IL9R: variants seen among roughly 807,000 people sequenced by gnomAD.
IL9R encodes the protein interleukin 9 receptor.
In IL9R, 54 loss-of-function variants were observed where a neutral mutation model predicts 56.3. The observed-to-expected ratio is 0.96, with a 90% CI of 0.77 to 1.20. The LOEUF (loss-of-function observed/expected upper bound fraction) is 1.20. Among genes scored for constraint, IL9R ranks in the 50% most tolerant of loss-of-function variants. The pLI, the probability that IL9R is intolerant of heterozygous loss-of-function variation, is 0.00. For missense variants in IL9R, 545 were observed against 629.8 expected, an observed-to-expected ratio of 0.87 and a Z score of 1.44; for synonymous variants, 212 against 250.2, an observed-to-expected ratio of 0.85 and a Z score of 1.44.
At chrX:156,002,852 C>T (rs762593782) in intron 1 of IL9R, 54 bp from the exon 2 acceptor site, 2 of 1,611,816 alleles carry the variant, frequency 1.2e-6, no homozygotes, top group African/African-American at 1.3e-5. Flanking sequence ...TCATGGGGAG[C>T]ACCCCTCCAG....
chrX:155,998,196 C>CA (rs2067266992), intron 1 of IL9R, among the ~76,000 whole-genome samples: 1 of 151,896 alleles, frequency 6.6e-6, no homozygotes, highest in Non-Finnish European at 1.5e-5. Flanking sequence ...GGTCTAGGCC[C>CA]AGGGCTGGGA....
At chrX:156,001,373 C>T (rs1434142964) in intron 1 of IL9R, 2 of 1,383,672 alleles carry the variant, frequency 1.4e-6, no homozygotes, top group East Asian at 2.3e-5. Flanking sequence ...ATCCCAAGAG[C>T]AGGCTGACTG....
Position 155,997,714 on chromosome X carries a change from G to A in IL9R, c.-46G>A. 1 of 1,600,062 alleles carries A rather than the reference G, an allele frequency of 6.2e-7. No homozygotes were observed. Among genetic ancestry groups the A allele is most frequent in the South Asian group, 1.1e-5 (1 of 90,814 alleles). On this transcript the variant is annotated 5_prime_UTR_variant, in exon 1 of 9. Transcript: ENST00000244174. ...GGTCTTTGCTGTGCACCCAGAGATA[G>A]TTGGGTGACAAATCACCTCCAGGTT...
chrX:156,003,986 C>A, intron 4 of IL9R, 131 bp downstream of exon 4: 2 of 986,174 alleles, frequency 2.0e-6, no homozygotes, highest in Non-Finnish European at 3.0e-6. Flanking sequence ...GAGTGAGATC[C>A]AGGGCTGGGG....
rs2067241490 is a variant in IL9R, at chrX:155,997,764, G to A, written c.5G>A (p.Gly2Glu). Residue 2 changes from glycine (G) to glutamate (E), a missense_variant, in exon 1 of 9, where the codon GGA becomes GAA. By Grantham distance (98) the Gly-to-Glu change is moderately conservative. Coordinates refer to ENST00000244174, the MANE Select transcript of IL9R (RefSeq NM_002186.3). M[G>E]LGRCIWEGWT... ...TGGGGATGCCTCAGACTTGTGATGG[G>A]ACTGGGCAGATGCATCTGGGAAGGT... The A allele has an allele frequency of 4.3e-6, 7 of 1,613,648 alleles. No homozygotes were observed. The highest frequency in any genetic ancestry group is 2.2e-5 in the East Asian group (1 of 44,880).
chrX:156,003,056 G>T (rs1296770769), intron 2 of IL9R, 37 bp downstream of exon 2: 4 of 1,612,736 alleles, frequency 2.5e-6, no homozygotes, highest in Non-Finnish European at 3.4e-6. Context: ...TGAGGTGGGT[G>T]GAGAACTAGG....
chrX:156,003,625 C>T, intron 3 of IL9R, 52 bp from the exon 4 acceptor site: 2 of 1,611,074 alleles, frequency 1.2e-6, no homozygotes, highest in Non-Finnish European at 1.7e-6. Context: ...ATTGAAGCAG[C>T]TATGCCAGGA....
chrX:156,003,865 A>G lies in IL9R; in HGVS notation c.433+10A>G, dbSNP rs1220429802. On this transcript the variant is annotated intron_variant, in intron 4 of 8. Transcript: ENST00000244174. ...CTGCCCCGGAGACACGGTGAGCAGC[A>G]GCTATAGGTCTGGGGCGGGGCCGCT... is the stretch of plus-strand genomic sequence containing the variant. The G allele has an allele frequency of 1.2e-6, 2 of 1,613,742 alleles. No homozygotes were observed. Among genetic ancestry groups the G allele is most frequent in the Admixed American group, 1.7e-5 (1 of 60,002 alleles).
rs779976784 is a variant in IL9R, at chrX:156,004,459, G to A, written c.473G>A (p.Ser158Asn). 4.3e-5 allele frequency: 70 copies of A among 1,613,770 alleles called. No individual in the cohort carries two copies. Among genetic ancestry groups the A allele is most frequent in the Non-Finnish European group, 5.8e-5 (69 of 1,179,834 alleles). Residue 158 changes from serine to asparagine, a missense_variant, in exon 5 of 9, where the codon AGT becomes AAT. Coordinates refer to ENST00000244174, the MANE Select transcript of IL9R (RefSeq NM_002186.3). Reference protein sequence around the residue: ...DPPSDLQSNISSGHCILTWSI... With the variant: ...DPPSDLQSNINSGHCILTWSI... ...CCCTCTGACTTGCAGAGCAACATCA[G>A]TTCTGGCCACTGCATCCTGACCTGG...
chrX:156,006,007 A>T (rs1206130429), intron 6 of IL9R, 76 bp from the exon 7 acceptor site: 16 of 713,876 alleles, frequency 2.2e-5, no homozygotes, highest in Non-Finnish European at 3.9e-5. Flanking sequence ...TAAAGGGCGC[A>T]CCTTTGCCAG....
chrX:156,001,354 C>A (rs1230684293), intron 1 of IL9R: 5 of 1,185,666 alleles, frequency 4.2e-6, no homozygotes, highest in Non-Finnish European at 6.3e-6. Context: ...TCCAACCCTG[C>A]CCTCACATAT....
chrX:156,002,832 G>T (rs2067624692), intron 1 of IL9R, 74 bp from the exon 2 acceptor site: 1 of 1,609,128 alleles, frequency 6.2e-7, no homozygotes, highest in Admixed American at 1.7e-5. Flanking sequence ...GCACTCTGCT[G>T]GGGAGCAATT....
chrX:156,011,547 T>C (rs2068443824), downstream of IL9R, among the ~76,000 whole-genome samples: 1 of 106,166 alleles, frequency 9.4e-6, no homozygotes, highest in Non-Finnish European at 1.7e-5. Flanking sequence ...ATGAGCTACA[T>C]GAGTGTCATT....
At chrX:156,003,904 C>T (rs758107198) in intron 4 of IL9R, 49 bp downstream of exon 4, 1 of 1,595,600 alleles carries the variant, frequency 6.3e-7, no homozygotes, top group Non-Finnish European at 8.6e-7. Flanking sequence ...CAAGAACATC[C>T]TGGCTGCTTG....
intron 8 of IL9R, among the ~76,000 whole-genome samples, chrX:156,009,295 TTTA>T (rs2068307018): frequency 2.2e-5 from 3 of 139,308 alleles, no homozygotes; most frequent in African/African-American, 5.6e-5. Flanking sequence ...TGTGTGTGTG[TTTA>T]TGTGTGTGTG....
At chrX:155,998,809 G>A (rs2067312659) in intron 1 of IL9R, among the ~76,000 whole-genome samples, 1 of 152,048 alleles carries the variant, frequency 6.6e-6, no homozygotes, top group Admixed American at 6.5e-5. Flanking sequence ...GGAGCCTCAT[G>A]TAGGGACAAC....
chrX:156,005,565 A>T lies in IL9R; in HGVS notation c.781+86A>T. The T allele has an allele frequency of 3.5e-6, 4 of 1,145,456 alleles. No homozygotes were observed. The South Asian group carries it at 5.2e-5, about 15-fold the overall frequency. 71.0% of individuals were successfully genotyped at this position (1,145,456 alleles called of 1,614,324 possible). ...GTTCACCTCAGCCCTGCACCCTTTC[A>T]CCCTCCTGTAAGCCCCTCCCCGAGG... is the stretch of plus-strand genomic sequence containing the variant. On this transcript the variant is annotated intron_variant, in intron 6 of 8. Transcript: ENST00000244174.
Position 156,002,921 on chromosome X carries a change from G to A in IL9R, c.44G>A (p.Ser15Asn), listed in dbSNP as rs774270681. 1.2e-6 allele frequency: 2 copies of A among 1,613,916 alleles called. No homozygotes were observed. The highest frequency in any genetic ancestry group is 1.7e-6 in the Non-Finnish European group (2 of 1,179,854). Reference protein sequence around the residue: ...RCIWEGWTLESEALRRDMGTW... With the variant: ...RCIWEGWTLENEALRRDMGTW... ...TCCCTTGCAGGCTGGACCTTGGAGA[G>A]TGAGGCCCTGAGGCGAGACATGGGC... is the stretch of plus-strand genomic sequence containing the variant. The change falls in exon 2 of 9, where the codon AGT (serine) becomes AAT (asparagine). Residue 15 changes from serine (S) to asparagine (N), a missense_variant. By Grantham distance (46) the Ser-to-Asn change is conservative. Coordinates refer to ENST00000244174, the MANE Select transcript of IL9R (RefSeq NM_002186.3).
chrX:156,009,649 G>T (rs2068358263), intron 8 of IL9R, among the ~76,000 whole-genome samples, 167 bp from the exon 9 acceptor site: 1 of 135,810 alleles, frequency 7.4e-6, no homozygotes, highest in South Asian at 2.5e-4. Flanking sequence ...ATGGAGGAAA[G>T]ACAGAATGTC....
Sources: gnomAD v4.1 joint callset for allele counts (sites outside exome capture counted in the v4.1 genomes callset) on GRCh38, gnomAD v4.1.1 for gene constraint, MANE v1.5 for transcripts, NCBI Gene and HGNC (gene_info 2026-07-23, HGNC 2026-07-21) for gene names.